ADCY5: variants seen among roughly 807,000 people sequenced by gnomAD.
The protein encoded by ADCY5 is adenylate cyclase type 5.
ADCY5 carries 30 observed loss-of-function variants against 119.7 expected under a neutral mutation model. The ratio of observed to expected loss-of-function variants is 0.25; its 90% CI spans 0.19 to 0.34. The LOEUF is 0.34. ADCY5 is among the 10% of genes least tolerant of loss of function. ADCY5 has a pLI of 1.00. For synonymous variants in ADCY5, 753 were observed against 762.2 expected, an observed-to-expected ratio of 0.99 and a Z score of 0.20; for missense variants, 1,324 against 1,775.2, an observed-to-expected ratio of 0.75 and a Z score of 4.57.
At chr3:123,347,377 C>T (rs186734170) in intron 3 of ADCY5, among the ~76,000 whole-genome samples, 124 of 152,232 alleles carry the variant, frequency 8.1e-4, no homozygotes, top group Non-Finnish European at 1.2e-3. Flanking sequence ...GTGCCTGGGA[C>T]GCACTGGCTT....
intron 3 of ADCY5, among the ~76,000 whole-genome samples, chr3:123,345,612 T>C (rs1942493740): frequency 1.3e-5 from 2 of 152,102 alleles, no homozygotes; most frequent in African/African-American, 4.8e-5. Context: ...AACCTGAGCC[T>C]ATGGGATCTG....
At position 123,448,310 on chromosome 3, in the gene ADCY5, T is replaced by C; in HGVS notation, c.236A>G (p.Asp79Gly). Residue 79 changes from aspartate (D) to glycine (G), a missense_variant, in exon 1 of 21, where the codon GAC (aspartate) becomes GGC (glycine). Coordinates refer to ENST00000462833, the MANE Select transcript of ADCY5 (RefSeq NM_183357.3). ...LASRWRSDDD[D>G]DPPLSGDDPL... ...GTCGTCACCGCTCAGCGGAGGATCG[T>C]CGTCGTCGTCGCTGCGCCAGCGGCT... is the stretch of plus-strand genomic sequence containing the variant. The C allele has an allele frequency of 6.5e-7, 1 of 1,538,564 alleles. No homozygotes were observed. Among genetic ancestry groups the C allele is most frequent in the Non-Finnish European group, 8.7e-7 (1 of 1,153,264 alleles).
intron 17 of ADCY5, 83 bp from the exon 18 acceptor site, chr3:123,291,459 G>A: frequency 1.3e-6 from 2 of 1,515,924 alleles, no homozygotes; most frequent in Non-Finnish European, 1.8e-6. Context: ...TCCGTGGCCT[G>A]GAGAAAAAGC....
chr3:123,300,186 A>G lies in ADCY5; in HGVS notation c.2834T>C (p.Leu945Pro), dbSNP rs140365954. The change falls in exon 15 of 21, where the codon CTC (leucine) becomes CCC (proline). Residue 945 changes from leucine (L) to proline (P), a missense_variant. Physicochemically the swap from Leu to Pro is moderately conservative, Grantham distance 98 (BLOSUM62 -3). Around this residue, in one of 6 missense-constraint regions of ADCY5, gnomAD observed 424 missense variants for 546.8 expected, o/e 0.78. Transcript: ENST00000462833. ...LMLAIELIYV[L>P]IVEVPGVTLF... is the part of the protein sequence containing the mutation. ...CGTGACACCTGGCACCTCCACGATGAGCACGTAGATGAGCTCGATGGCCAG... is the reference window on the plus strand; with the variant it reads ...CGTGACACCTGGCACCTCCACGATGGGCACGTAGATGAGCTCGATGGCCAG... The G allele has an allele frequency of 1.2e-5, 19 of 1,613,746 alleles. No homozygotes were observed. In the African/African-American group the frequency reaches 2.5e-4, roughly 22 times the overall value.
At position 123,448,061 on chromosome 3, in the gene ADCY5, T is replaced by G; in HGVS notation, c.485A>C (p.Glu162Ala). The change falls in exon 1 of 21, where the codon GAG becomes GCG. Residue 162 changes from glutamate to alanine, a missense_variant. Around this residue, in one of 6 missense-constraint regions of ADCY5, gnomAD observed 585 missense variants for 569.9 expected, o/e 1.03. Transcript: ENST00000462833. ...RPRSVEVGLEERRGKGRAADE... is the reference protein window; with the variant it reads ...RPRSVEVGLEARRGKGRAADE... ...GGCCGCGCGCCCCTTGCCCCGCCGC[T>G]CCTCCAGACCCACCTCCACCGAGCG... 8.1e-7 allele frequency: 1 copy of G among 1,239,488 alleles called. No homozygotes were observed. Among genetic ancestry groups the G allele is most frequent in the Non-Finnish European group, 1.0e-6 (1 of 990,394 alleles). The allele number at this position is 1,239,488 out of a possible 1,614,324, so 76.8% of individuals were successfully genotyped here. A position where few individuals can be genotyped will look rare whatever the true frequency, so the allele number is the denominator to read the frequency against.
intron 1 of ADCY5, among the ~76,000 whole-genome samples, chr3:123,390,254 T>C (rs1435775439): frequency 1.3e-5 from 2 of 152,234 alleles, no homozygotes; most frequent in East Asian, 1.9e-4. Context: ...GAGCTGGTCA[T>C]ACCTGGATGC....
chr3:123,431,756 C>T (rs1349275715), intron 1 of ADCY5, among the ~76,000 whole-genome samples: 1 of 152,224 alleles, frequency 6.6e-6, no homozygotes, highest in East Asian at 1.9e-4. Flanking sequence ...ACCAAGTTTT[C>T]TTCCCCTCTT....
At chr3:123,406,932 A>G (rs62262427) in intron 1 of ADCY5, among the ~76,000 whole-genome samples, 36,788 of 152,020 alleles carry the variant, frequency 0.24, 4,787 homozygotes, top group Middle Eastern at 0.35. Flanking sequence ...TCCTGCTCCT[A>G]TGGGAATCCA....
At chr3:123,385,819 G>A (rs1455546509) in intron 1 of ADCY5, among the ~76,000 whole-genome samples, 5 of 152,024 alleles carry the variant, frequency 3.3e-5, no homozygotes, top group Non-Finnish European at 7.4e-5. Context: ...CCCATTTTTC[G>A]TTTTTCTTAC....
Position 123,370,381 on chromosome 3 carries a change from C to G in ADCY5, c.1135-17800G>C, listed in dbSNP as rs553341113. Among the ~76,000 whole-genome samples the G allele has an allele frequency of 2.0e-5, 3 of 152,364 alleles. No individual in the cohort carries two copies. The East Asian group carries it at 5.8e-4, about 29-fold the overall frequency. ...CCAGGCAATACACAGTCACTGGGCA[C>G]ATGGCTGCCCAGCCACAGACAGCAT... On this transcript the variant is annotated intron_variant, in intron 1 of 20. Transcript: ENST00000462833.
chr3:123,307,140 A>G (rs2108283448), intron 12 of ADCY5, among the ~76,000 whole-genome samples: 1 of 152,284 alleles, frequency 6.6e-6, no homozygotes, highest in African/African-American at 2.4e-5. Flanking sequence ...GGATGACAAC[A>G]ATGTTCTGGA....
At chr3:123,381,585 A>G (rs1944033347) in intron 1 of ADCY5, among the ~76,000 whole-genome samples, 1 of 152,228 alleles carries the variant, frequency 6.6e-6, no homozygotes, top group Non-Finnish European at 1.5e-5. Flanking sequence ...AGGGCTCCAC[A>G]CTGAGTTTAA....
At chr3:123,427,670 G>A (rs1374391740) in intron 1 of ADCY5, among the ~76,000 whole-genome samples, 5 of 152,302 alleles carry the variant, frequency 3.3e-5, no homozygotes, top group South Asian at 4.1e-4. Flanking sequence ...GTGAGCTTGG[G>A]CAAGTTACTT....
In ADCY5 at chr3:123,447,956, G is replaced by C. The variant is rs578094228; in HGVS notation, c.590C>G (p.Ala197Gly). 2 of 1,509,322 alleles carry C rather than the reference G, an allele frequency of 1.3e-6. No homozygotes were observed. The allele number at this position is 1,509,322 out of a possible 1,614,324, so 93.5% of individuals were successfully genotyped here. ...GGSSADSGSGAGPGAVLSLGA... is the reference protein window; with the variant it reads ...GGSSADSGSGGGPGAVLSLGA... ...CAGGGACAGCACCGCGCCGGGCCCC[G>C]CGCCCGAGCCCGAGTCCGCCGAGCT... The change falls in exon 1 of 21, where the codon GCG becomes GGG. Residue 197 changes from alanine (A) to glycine (G), a missense_variant. By Grantham distance (60) the Ala-to-Gly change is moderately conservative (BLOSUM62 0). This residue lies in a region of ADCY5 where 585 missense variants were observed against 569.9 expected (regional missense o/e 1.03). Coordinates refer to ENST00000462833, the MANE Select transcript of ADCY5 (RefSeq NM_183357.3).
At chr3:123,318,311 G>A (rs530247435) in intron 10 of ADCY5, among the ~76,000 whole-genome samples, 194 bp from the exon 11 acceptor site, 3 of 152,248 alleles carry the variant, frequency 2.0e-5, no homozygotes, top group Admixed American at 1.3e-4. Flanking sequence ...AGAAGGTAGT[G>A]CCTATGGAGA....
intron 1 of ADCY5, among the ~76,000 whole-genome samples, chr3:123,417,383 G>A (rs139058920): frequency 8.5e-5 from 13 of 152,322 alleles, no homozygotes; most frequent in South Asian, 2.1e-4. Context: ...ATAACGGCCC[G>A]CTGGCCAGTG....
intron 1 of ADCY5, among the ~76,000 whole-genome samples, chr3:123,391,311 C>T (rs1401787286): frequency 6.6e-6 from 1 of 152,212 alleles, no homozygotes; most frequent in African/African-American, 2.4e-5. Flanking sequence ...CCAAACCCCC[C>T]CTTTCCAGCC....
At chr3:123,423,318 G>A (rs1945337363) in intron 1 of ADCY5, among the ~76,000 whole-genome samples, 1 of 152,216 alleles carries the variant, frequency 6.6e-6, no homozygotes, top group Non-Finnish European at 1.5e-5. Flanking sequence ...CCCCACCCCT[G>A]CGGAGAAGGG....
Position 123,304,181 on chromosome 3 carries a change from G to T in ADCY5, c.2445C>A (p.Leu815=). The T allele has an allele frequency of 7.4e-7, 1 of 1,345,816 alleles. No individual in the cohort carries two copies. Among genetic ancestry groups the T allele is most frequent in the Non-Finnish European group, 1.0e-6 (1 of 956,634 alleles). 83.4% of individuals were successfully genotyped at this position (1,345,816 alleles called of 1,614,324 possible). A position where few individuals can be genotyped will look rare whatever the true frequency, so the allele number is the denominator to read the frequency against. The change falls in exon 13 of 21, where the codon CTC becomes CTA. Residue 815 remains leucine (L), a splice_region_variant and synonymous_variant. Transcript: ENST00000462833. The part of the protein sequence containing the change: ...FVSVIYSCVK[L]FPSPLQTLSR... ...AGAGGGTCTGCAGTGGGGAGGGGAA[G>T]AGCTAGGGTGGGGGCAGGGGTGGAG... is the stretch of plus-strand genomic sequence containing the variant.
Sources: gnomAD v4.1 joint callset for allele counts (sites outside exome capture counted in the v4.1 genomes callset) on GRCh38, gnomAD v4.1.1 for gene constraint, gnomAD v4.1.1 regional missense constraint, MANE v1.5 for transcripts, NCBI Gene and HGNC (gene_info 2026-07-23, HGNC 2026-07-21) for gene names.